The following CDK17 variants were observed in gnomAD, a reference collection of about 807,000 sequenced individuals.
The protein encoded by CDK17 is cyclin dependent kinase 17.
A neutral mutation model predicts 77.6 loss-of-function variants in CDK17; 24 were observed. The observed-to-expected ratio is 0.31, with a 90% confidence interval of 0.22 to 0.44. The LOEUF is 0.44. CDK17 is among the 20% of genes least tolerant of loss of function. The probability of loss-of-function intolerance (pLI) is 1.00; values close to 1 mark genes in which losing one functional copy is unlikely to be tolerated. For missense variants in CDK17, 429 were observed against 622.5 expected, an observed-to-expected ratio of 0.69 and a Z score of 3.31; for synonymous variants, 203 against 210.4, an observed-to-expected ratio of 0.96 and a Z score of 0.30.
chr12:96,307,476 C>A (rs77391301), intron 5 of CDK17, among the ~76,000 whole-genome samples: 1 of 152,070 alleles, frequency 6.6e-6, no homozygotes, highest in Non-Finnish European at 1.5e-5. Flanking sequence ...CCAATTGGAA[C>A]AAATACAACC....
At chr12:96,307,830 T>C (rs777694413) in intron 5 of CDK17, among the ~76,000 whole-genome samples, 9 of 152,044 alleles carry the variant, frequency 5.9e-5, no homozygotes, top group Admixed American at 2.0e-4. Context: ...GATCGCGCCA[T>C]TGTACTCCTG....
At chr12:96,386,609 G>C (rs1364603363) in intron 1 of CDK17, among the ~76,000 whole-genome samples, 1 of 152,108 alleles carries the variant, frequency 6.6e-6, no homozygotes, top group African/African-American at 2.4e-5. Context: ...AGTGAGCTGA[G>C]ATCACGCCAC....
At chr12:96,361,898 A>G (rs182598929) in intron 1 of CDK17, among the ~76,000 whole-genome samples, 12 of 152,378 alleles carry the variant, frequency 7.9e-5, no homozygotes, top group Admixed American at 7.2e-4. Context: ...CTAAAATTTT[A>G]GATGAATGCT....
At chr12:96,346,648 G>A (rs1348261745) in intron 1 of CDK17, among the ~76,000 whole-genome samples, 1 of 151,888 alleles carries the variant, frequency 6.6e-6, no homozygotes, top group Non-Finnish European at 1.5e-5. Context: ...CGGGCATGGT[G>A]GCTCACGCCT....
chr12:96,311,265 G>T, intron 4 of CDK17, 88 bp from the exon 5 acceptor site: 1 of 1,115,086 alleles, frequency 9.0e-7, no homozygotes, highest in Admixed American at 3.0e-5. Flanking sequence ...ATTTCTTAGT[G>T]ATAAGTAATT....
chr12:96,290,021 C>A (rs1401164484), intron 10 of CDK17, among the ~76,000 whole-genome samples: 2 of 151,752 alleles, frequency 1.3e-5, no homozygotes, highest in Non-Finnish European at 2.9e-5. Flanking sequence ...ACAGCCATGA[C>A]CTTTAAAAAA....
At chr12:96,357,039 T>C (rs1953404364) in intron 1 of CDK17, among the ~76,000 whole-genome samples, 1 of 152,192 alleles carries the variant, frequency 6.6e-6, no homozygotes, top group Non-Finnish European at 1.5e-5. Flanking sequence ...CTATTAGAAA[T>C]GTCATCTGAT....
At chr12:96,381,118 C>G (rs1953871643) in intron 1 of CDK17, among the ~76,000 whole-genome samples, 3 of 152,136 alleles carry the variant, frequency 2.0e-5, no homozygotes, top group Non-Finnish European at 2.9e-5. Flanking sequence ...AACTAATACA[C>G]TCTATCATAA....
At chr12:96,398,326 T>G (rs1372742646) in intron 1 of CDK17, among the ~76,000 whole-genome samples, 1 of 152,154 alleles carries the variant, frequency 6.6e-6, no homozygotes, top group Non-Finnish European at 1.5e-5. Context: ...ATGTTAAGAG[T>G]TGCAAAAATT....
chr12:96,283,550 A>AAG (rs1952205752), intron 14 of CDK17, 53 bp downstream of exon 14: 1 of 1,075,000 alleles, frequency 9.3e-7, no homozygotes, highest in Admixed American at 1.8e-5. Context: ...TCTACACATG[A>AAG]AGAAGCTGAG....
In CDK17 at chr12:96,400,353, G is replaced by A; in HGVS notation, c.-397C>T. 1 of 386,500 alleles carries A rather than the reference G, an allele frequency of 2.6e-6. No individual in the cohort carries two copies. The highest frequency in any genetic ancestry group is 4.6e-6 in the Non-Finnish European group (1 of 218,524). 23.9% of individuals were successfully genotyped at this position (386,500 alleles called of 1,614,324 possible). A position where few individuals can be genotyped will look rare whatever the true frequency, so the allele number is the denominator to read the frequency against. On this transcript the variant is annotated 5_prime_UTR_variant, in exon 1 of 17. Transcript: ENST00000261211. ...GCTGGCTCCTTCTCCGCGGCTCTGC[G>A]GCGGCCCGCGGGGAGCTCAGGAGAC... is the stretch of plus-strand genomic sequence containing the variant.
intron 2 of CDK17, among the ~76,000 whole-genome samples, chr12:96,329,820 C>T (rs1029610103): frequency 6.6e-6 from 1 of 152,156 alleles, no homozygotes; most frequent in Non-Finnish European, 1.5e-5. Flanking sequence ...CTCACAATAT[C>T]CATAAAACTG....
intron 1 of CDK17, among the ~76,000 whole-genome samples, chr12:96,374,101 A>C (rs573331176): frequency 3.5e-4 from 53 of 152,324 alleles, no homozygotes; most frequent in African/African-American, 1.3e-3. Context: ...TGTATATAAA[A>C]TTGCAAGCTA....
intron 1 of CDK17, among the ~76,000 whole-genome samples, chr12:96,392,291 C>A (rs1356252027): frequency 6.6e-6 from 1 of 152,194 alleles, no homozygotes; most frequent in African/African-American, 2.4e-5. Context: ...GTTTCTTCAT[C>A]TTTGTATCCT....
intron 1 of CDK17, among the ~76,000 whole-genome samples, chr12:96,383,403 A>AG (rs370647604): frequency 8.9e-5 from 11 of 123,566 alleles, no homozygotes; most frequent in African/African-American, 3.7e-4. Flanking sequence ...CAAAATTAGA[A>AG]GAAAAAAAAA....
At chr12:96,349,772 C>T (rs1953283868) in intron 1 of CDK17, among the ~76,000 whole-genome samples, 1 of 151,780 alleles carries the variant, frequency 6.6e-6, no homozygotes, top group African/African-American at 2.4e-5. Flanking sequence ...CTAGTCAGAA[C>T]AATTAGGCAA....
At chr12:96,316,289 T>A (rs1054041334) in intron 3 of CDK17, among the ~76,000 whole-genome samples, 9 of 152,084 alleles carry the variant, frequency 5.9e-5, no homozygotes, top group South Asian at 2.1e-4. Context: ...ATACCACACC[T>A]GGCTCGGAGG....
rs551441414 is a variant in CDK17 at position 96,334,632 on chromosome 12, T to C, written c.118+87A>G. Reference sequence around the variant, plus strand: ...GACAGAAATAAACAAAGGGAAGCTATTATGAACTTATCTAAAAAGTAAATT... The same window carrying C: ...GACAGAAATAAACAAAGGGAAGCTACTATGAACTTATCTAAAAAGTAAATT... On this transcript the variant is annotated intron_variant, in intron 2 of 16. Transcript: ENST00000261211. 1.4e-5 allele frequency: 10 copies of C among 724,984 alleles called. No individual in the cohort carries two copies. In the South Asian group the frequency reaches 1.6e-4, roughly 11 times the overall value. 44.9% of individuals were successfully genotyped at this position (724,984 alleles called of 1,614,324 possible).
At chr12:96,313,170 A>G in intron 4 of CDK17, 151 bp downstream of exon 4, 1 of 484,538 alleles carries the variant, frequency 2.1e-6, no homozygotes, top group East Asian at 3.6e-5. Flanking sequence ...ACAGACTGCA[A>G]TTTATGAATG....
Sources: allele counts gnomAD v4.1 joint callset (sites outside exome capture counted in the v4.1 genomes callset), GRCh38; gene constraint gnomAD v4.1.1; transcripts MANE v1.5; gene names NCBI Gene and HGNC (gene_info 2026-07-23, HGNC 2026-07-21).